ARHGEF2: variants seen among roughly 807,000 people sequenced by gnomAD.
ARHGEF2 encodes the protein rho guanine nucleotide exchange factor 2.
In ARHGEF2, 22 loss-of-function variants were observed where a neutral mutation model predicts 121.0. That is an observed-to-expected ratio of 0.18 (90% CI 0.13 to 0.26). The LOEUF (loss-of-function observed/expected upper bound fraction) is 0.26. ARHGEF2 is among the 10% of genes least tolerant of loss of function. The pLI is 1.00. For missense variants in ARHGEF2, 907 were observed against 1,336.0 expected (o/e 0.68, Z 5.01); for synonymous variants, 487 against 530.0 (o/e 0.92, Z 1.11).
At position 155,962,082 on chromosome 1, in the gene ARHGEF2, C is replaced by G; in HGVS notation, c.1219+23G>C. The G allele has an allele frequency of 1.2e-6, 2 of 1,613,254 alleles. No homozygotes were observed. ...CCCAGGTGGCCGTCTCCCAGTGGCC[C>G]TCTCCTGGGCCTGCCTACTCACCGT... On this transcript the variant is annotated intron_variant, in intron 10 of 21. Transcript: ENST00000361247. The surrounding 1 kb of genome is among the most constrained non-coding windows in gnomAD (Gnocchi z 5.8).
chr1:155,979,271 C>G (rs748567203), upstream of ARHGEF2: 28 of 985,288 alleles, frequency 2.8e-5, no homozygotes, highest in Non-Finnish European at 3.1e-5. Context: ...CCACTTTTAC[C>G]GAAGGCCTTC....
Position 155,978,480 on chromosome 1 carries a change from T to G in ARHGEF2, c.-53A>C. Reference sequence around the variant, plus strand: ...CGGCGCGGACCCCGGCGTCCTGTATTGTTGGGGGAAGGCGGGGGGAGGGGT... The same window carrying G: ...CGGCGCGGACCCCGGCGTCCTGTATGGTTGGGGGAAGGCGGGGGGAGGGGT... On this transcript the variant is annotated 5_prime_UTR_variant, in exon 1 of 22. Coordinates refer to ENST00000361247, the MANE Select transcript of ARHGEF2 (RefSeq NM_001162383.2). This position sits in a 1 kb window ranked among gnomAD's most constrained non-coding sequence, Gnocchi z 4.1. 1 of 1,379,684 alleles carries G rather than the reference T, an allele frequency of 7.2e-7. No homozygotes were observed. Among genetic ancestry groups the G allele is most frequent in the South Asian group, 1.6e-5 (1 of 63,606 alleles). 85.5% of individuals were successfully genotyped at this position (1,379,684 alleles called of 1,614,324 possible).
At chr1:155,968,265 C>T (rs1198889659) in intron 2 of ARHGEF2, 1 of 150,838 alleles carries the variant, frequency 6.6e-6, no homozygotes, top group African/African-American at 2.4e-5. Flanking sequence ...ACAAAGCTCC[C>T]ACAGCGTAGA....
rs563121857 is a variant in ARHGEF2 at position 155,951,108 on chromosome 1, C to T, written c.2424G>A (p.Gln808=). Residue 808 remains glutamine, a synonymous_variant, in exon 20 of 22, where the codon CAG becomes CAA. Coordinates refer to ENST00000361247, the MANE Select transcript of ARHGEF2 (RefSeq NM_001162383.2). This position sits in a 1 kb window ranked among gnomAD's most constrained non-coding sequence, Gnocchi z 5.1. ...EKQATELALL[Q]RQHALLQEEL... is the part of the protein sequence containing the mutation. ...CCTCCTGCAGCAGCGCATGTTGCCG[C>T]TGCAGTAATGCCAGTTCCGTGGCCT... 33 of 1,603,856 alleles carry T rather than the reference C, an allele frequency of 2.1e-5. No individual in the cohort carries two copies. In the African/African-American group the frequency reaches 3.9e-4, roughly 19 times the overall value.
Position 155,962,822 on chromosome 1 carries a change from C to G in ARHGEF2, c.976-104G>C, listed in dbSNP as rs1413473686. On this transcript the variant is annotated intron_variant, in intron 8 of 21. Transcript: ENST00000361247. The surrounding 1 kb of genome is among the most constrained non-coding windows in gnomAD (Gnocchi z 5.8). ...TGCCAAACAGGCTGGCTTCCTGTTT[C>G]TCCAGCTCTCCCTGGCTCCCCTCCA... 1.9e-6 allele frequency: 3 copies of G among 1,594,776 alleles called. No homozygotes were observed. Among genetic ancestry groups the G allele is most frequent in the Non-Finnish European group, 2.6e-6 (3 of 1,168,744 alleles).
chr1:155,971,157 T>G (rs11264426), intron 1 of ARHGEF2: 686,922 of 971,394 alleles, frequency 0.71, 250,162 homozygotes, highest in Middle Eastern at 0.77. Context: ...CTCTAGCCTC[T>G]AACTCAAACC....
At chr1:155,967,732 G>C (rs1224491627) in intron 2 of ARHGEF2, among the ~76,000 whole-genome samples, 1 of 152,162 alleles carries the variant, frequency 6.6e-6, no homozygotes, top group East Asian at 1.9e-4. Context: ...GGGTAGGAGA[G>C]AAGAAGAAAG....
In ARHGEF2 at chr1:155,965,163, T is replaced by C; in HGVS notation, c.581-32A>G. ...ATTAGCAGGGCAAGCAACTCAGAGGTCTTGAGTTCCCTTCCCTGGGTCCCT... is the reference window on the plus strand; with the variant it reads ...ATTAGCAGGGCAAGCAACTCAGAGGCCTTGAGTTCCCTTCCCTGGGTCCCT... On this transcript the variant is annotated intron_variant, in intron 6 of 21. Transcript: ENST00000361247. The surrounding 1 kb of genome is among the most constrained non-coding windows in gnomAD (Gnocchi z 6.0). The C allele has an allele frequency of 1.9e-6, 3 of 1,611,588 alleles. No individual in the cohort carries two copies. Among genetic ancestry groups the C allele is most frequent in the Non-Finnish European group, 2.5e-6 (3 of 1,178,132 alleles).
In ARHGEF2 at chr1:155,978,145, T is replaced by C; in HGVS notation, c.63+220A>G. The C allele has an allele frequency of 7.8e-7, 1 of 1,275,602 alleles. No individual in the cohort carries two copies. The highest frequency in any genetic ancestry group is 9.9e-7 in the Non-Finnish European group (1 of 1,005,874). 79.0% of individuals were successfully genotyped at this position (1,275,602 alleles called of 1,614,324 possible). ...GCGACCAAGCCCAGGTCCGCTCCGCTCCCTCCCGGGATCCCAGCACCGTCG... is the reference window on the plus strand; with the variant it reads ...GCGACCAAGCCCAGGTCCGCTCCGCCCCCTCCCGGGATCCCAGCACCGTCG... On this transcript the variant is annotated intron_variant, in intron 1 of 21. Coordinates refer to ENST00000361247, the MANE Select transcript of ARHGEF2 (RefSeq NM_001162383.2). The surrounding 1 kb of genome is among the most constrained non-coding windows in gnomAD (Gnocchi z 4.1).
chr1:155,958,522 CT>C (rs1677151685), intron 11 of ARHGEF2, 126 bp from the exon 12 acceptor site: 1 of 656,130 alleles, frequency 1.5e-6, no homozygotes, highest in Admixed American at 2.8e-5. Flanking sequence ...CCTGGCCTCT[CT>C]TCCCTCTGGC....
intron 13 of ARHGEF2, among the ~76,000 whole-genome samples, chr1:155,956,882 G>C (rs1361732444): frequency 1.1e-5 from 1 of 91,956 alleles, no homozygotes; most frequent in Non-Finnish European, 2.0e-5. Flanking sequence ...CAGAGACTCT[G>C]TCTCCAAAAA....
chr1:155,955,992 G>A (rs889966061), intron 13 of ARHGEF2, among the ~76,000 whole-genome samples: 4 of 152,178 alleles, frequency 2.6e-5, no homozygotes, highest in Admixed American at 6.5e-5. Context: ...CCAGGTGTGA[G>A]CCACAGCGCC....
At position 155,961,652 on chromosome 1, in the gene ARHGEF2, A is replaced by T. The variant is rs1306431461; in HGVS notation, c.1468+9T>A. The T allele has an allele frequency of 6.2e-7, 1 of 1,603,970 alleles. No homozygotes were observed. The highest frequency in any genetic ancestry group is 1.3e-5 in the African/African-American group (1 of 74,816). ...TGAATTCCTGCCTAGTCTGCCGAGC[A>T]GGTCTGACCTTTGAAGCGCCCCGTC... On this transcript the variant is annotated intron_variant, in intron 11 of 21. Transcript: ENST00000361247. The surrounding 1 kb of genome is among the most constrained non-coding windows in gnomAD (Gnocchi z 4.7).
chr1:155,973,172 G>A (rs919238271), intron 1 of ARHGEF2, among the ~76,000 whole-genome samples: 1 of 152,002 alleles, frequency 6.6e-6, no homozygotes, highest in African/African-American at 2.4e-5. Context: ...TGAAAGAAAA[G>A]GAAGGAAGCA....
rs946831978 is a variant in ARHGEF2, at chr1:155,959,179, A to T, written c.1469-783T>A. On this transcript the variant is annotated intron_variant, in intron 11 of 21. Transcript: ENST00000361247. ...GGTGACAGGGTCCAAGATTTTTGTG[A>T]GATTCATAAGGTTCCCCAGAGCAAG... Among the ~76,000 whole-genome samples, 3 of 152,048 alleles carry T rather than the reference A, an allele frequency of 2.0e-5. 1 individual carries two copies. The South Asian group carries it at 6.2e-4, about 32-fold the overall frequency.
Position 155,961,631 on chromosome 1 carries a change from T to A in ARHGEF2, c.1468+30A>T, listed in dbSNP as rs1266827253. On this transcript the variant is annotated intron_variant, in intron 11 of 21. Coordinates refer to ENST00000361247, the MANE Select transcript of ARHGEF2 (RefSeq NM_001162383.2). The surrounding 1 kb of genome is among the most constrained non-coding windows in gnomAD (Gnocchi z 4.7). ...CTCCCACTCTCCATCTGACTTTGAA[T>A]TCCTGCCTAGTCTGCCGAGCAGGTC... The A allele has an allele frequency of 6.3e-7, 1 of 1,592,912 alleles. No individual in the cohort carries two copies. The highest frequency in any genetic ancestry group is 8.5e-7 in the Non-Finnish European group (1 of 1,171,056).
intron 11 of ARHGEF2, 46 bp from the exon 12 acceptor site, chr1:155,958,442 G>A (rs746265421): frequency 1.2e-5 from 18 of 1,476,114 alleles, no homozygotes; most frequent in East Asian, 2.3e-5. Context: ...TAGACGGTCT[G>A]AGCAGCTGCT....
At chr1:155,971,883 T>TAAAAAAAAA (rs58112413) in intron 1 of ARHGEF2, among the ~76,000 whole-genome samples, 1 of 140,404 alleles carries the variant, frequency 7.1e-6, no homozygotes, top group African/African-American at 2.6e-5. Flanking sequence ...CCCATCTCTA[T>TAAAAAAAAA]AAAAAAAAAA....
In ARHGEF2 at chr1:155,978,174, C is replaced by T. The variant is rs1187017092; in HGVS notation, c.63+191G>A. 3.1e-6 allele frequency: 4 copies of T among 1,302,992 alleles called. No homozygotes were observed. In the South Asian group the frequency reaches 5.7e-5, roughly 19 times the overall value. The allele number at this position is 1,302,992 out of a possible 1,614,324, so 80.7% of individuals were successfully genotyped here. A position where few individuals can be genotyped will look rare whatever the true frequency, so the allele number is the denominator to read the frequency against. On this transcript the variant is annotated intron_variant, in intron 1 of 21. Coordinates refer to ENST00000361247, the MANE Select transcript of ARHGEF2 (RefSeq NM_001162383.2). The surrounding 1 kb of genome is among the most constrained non-coding windows in gnomAD (Gnocchi z 4.1). ...TCCCGGGATCCCAGCACCGTCGCGT[C>T]TGCCGCTCCCCCCACCCCTACCCAC...
Sources: allele counts gnomAD v4.1 joint callset (sites outside exome capture counted in the v4.1 genomes callset), GRCh38; gene constraint gnomAD v4.1.1; non-coding constraint Gnocchi (gnomAD v3.1); transcripts MANE v1.5; gene names NCBI Gene and HGNC (gene_info 2026-07-23, HGNC 2026-07-21).